The following ZZEF1 variants were observed in gnomAD, a reference collection of about 807,000 sequenced individuals.
ZZEF1 encodes zinc finger ZZ-type and EF-hand domain-containing protein 1.
A neutral mutation model predicts 342.8 loss-of-function variants in ZZEF1; 157 were observed. The ratio of observed to expected loss-of-function variants is 0.46; its 90% CI spans 0.40 to 0.52. The LOEUF (loss-of-function observed/expected upper bound fraction) is 0.52, where lower values mean the gene tolerates loss of function less well. ZZEF1 is among the 20% of genes least tolerant of loss of function. The pLI is 0.00. For missense variants in ZZEF1, 3,480 were observed against 3,725.6 expected (o/e 0.93, Z 1.72); for synonymous variants, 1,505 against 1,429.1 (o/e 1.05, Z -1.20).
chr17:4,133,925 A>T (rs2058708569), intron 1 of ZZEF1, among the ~76,000 whole-genome samples: 1 of 152,016 alleles, frequency 6.6e-6, no homozygotes, highest in Non-Finnish European at 1.5e-5. Flanking sequence ...GACTGGTCTC[A>T]AACTCCTGGG....
rs1178771168 is a variant in ZZEF1 at position 4,054,177 on chromosome 17, G to A, written c.5314C>T (p.Arg1772Cys). The A allele has an allele frequency of 5.0e-6, 8 of 1,612,592 alleles. No homozygotes were observed. The highest frequency in any genetic ancestry group is 2.2e-5 in the East Asian group (1 of 44,876). ...TCCACATTTAACAGGTCACAGTAGCGAGCAATGAACATGTGCATCTGTAAG... is the reference window on the plus strand; with the variant it reads ...TCCACATTTAACAGGTCACAGTAGCAAGCAATGAACATGTGCATCTGTAAG... ...KQRKMHMFIA[R>C]YCDLLNVDIS... The change falls in exon 34 of 55, where the codon CGC (arginine) becomes TGC (cysteine). Residue 1772 changes from arginine (R) to cysteine (C), a missense_variant. By Grantham distance (180) the Arg-to-Cys change is radical (BLOSUM62 -3). Coordinates refer to ENST00000381638, the MANE Select transcript of ZZEF1 (RefSeq NM_015113.4).
At chr17:4,141,474 T>C (rs2058846742) in intron 1 of ZZEF1, among the ~76,000 whole-genome samples, 1 of 152,168 alleles carries the variant, frequency 6.6e-6, no homozygotes, top group Non-Finnish European at 1.5e-5. Flanking sequence ...TTTTTGGTCA[T>C]ACCGTGGTGT....
At chr17:4,072,436 C>T (rs1254834778) in intron 25 of ZZEF1, among the ~76,000 whole-genome samples, 172 bp downstream of exon 25, 1 of 152,162 alleles carries the variant, frequency 6.6e-6, no homozygotes, top group Non-Finnish European at 1.5e-5. Flanking sequence ...GCGCACTGGC[C>T]CCTGTGGGAC....
chr17:4,064,419 A>G lies in ZZEF1; in HGVS notation c.4660T>C (p.Tyr1554His). ...TCCATGACGTCCTTCAGCACAGGGTATTTCTCTTTCACTGTGGGCACCAGT... is the reference window on the plus strand; with the variant it reads ...TCCATGACGTCCTTCAGCACAGGGTGTTTCTCTTTCACTGTGGGCACCAGT... The part of the protein sequence containing the change: ...ARLVPTVKEK[Y>H]PVLKDVMDFI... Residue 1554 changes from tyrosine to histidine, a missense_variant, in exon 29 of 55, where the codon TAC becomes CAC. By Grantham distance (83) the Tyr-to-His change is moderately conservative. This residue lies in a region of ZZEF1 where 1,528 missense variants were observed against 1,624.1 expected (regional missense o/e 0.94). Transcript: ENST00000381638. The G allele has an allele frequency of 6.2e-7, 1 of 1,613,644 alleles. No homozygotes were observed. Among genetic ancestry groups the G allele is most frequent in the South Asian group, 1.1e-5 (1 of 91,064 alleles).
Position 4,005,035 on chromosome 17 carries a change from G to C in ZZEF1, c.*1855C>G, listed in dbSNP as rs997783519. 1 of 152,126 alleles carries C rather than the reference G, an allele frequency of 6.6e-6. No homozygotes were observed. Among genetic ancestry groups the C allele is most frequent in the Non-Finnish European group, 1.5e-5 (1 of 68,090 alleles). 9.4% of individuals were successfully genotyped at this position (152,126 alleles called of 1,614,324 possible). On this transcript the variant is annotated 3_prime_UTR_variant, in exon 55 of 55. Coordinates refer to ENST00000381638, the MANE Select transcript of ZZEF1 (RefSeq NM_015113.4). Reference sequence around the variant, plus strand: ...GGAGGTGACTCCGGCCCTACCGCCCGCTTTACTCGGAGTCTGGGGTGTGGA... The same window carrying C: ...GGAGGTGACTCCGGCCCTACCGCCCCCTTTACTCGGAGTCTGGGGTGTGGA...
intron 14 of ZZEF1, 63 bp downstream of exon 14, chr17:4,087,371 G>C: frequency 1.5e-6 from 2 of 1,365,312 alleles, no homozygotes; most frequent in East Asian, 2.3e-5. Flanking sequence ...AATCCACTTA[G>C]AATAGTAAAA....
At chr17:4,078,844 C>T (rs2057671584) in intron 18 of ZZEF1, among the ~76,000 whole-genome samples, 2 of 152,162 alleles carry the variant, frequency 1.3e-5, no homozygotes, top group African/African-American at 4.8e-5. Flanking sequence ...TGATAGATTC[C>T]TGAGAAAAAT....
At chr17:4,028,836 T>C (rs185455032) in intron 42 of ZZEF1, among the ~76,000 whole-genome samples, 1 of 152,200 alleles carries the variant, frequency 6.6e-6, no homozygotes, top group Non-Finnish European at 1.5e-5. Flanking sequence ...CGAATTTTGC[T>C]ATCTGTGGGG....
intron 18 of ZZEF1, among the ~76,000 whole-genome samples, chr17:4,080,829 C>T (rs1043356221): frequency 2.6e-5 from 4 of 152,212 alleles, no homozygotes; most frequent in Non-Finnish European, 4.4e-5. Context: ...GAAGCATTAT[C>T]GAGCACTTCT....
chr17:4,086,652 C>T lies in ZZEF1; in HGVS notation c.2346G>A (p.Pro782=), dbSNP rs780934570. 1.1e-5 allele frequency: 17 copies of T among 1,613,378 alleles called. No homozygotes were observed. Among genetic ancestry groups the T allele is most frequent in the Admixed American group, 6.7e-5 (4 of 59,974 alleles). Residue 782 remains proline, a synonymous_variant, in exon 15 of 55, where the codon CCG becomes CCA. Coordinates refer to ENST00000381638, the MANE Select transcript of ZZEF1 (RefSeq NM_015113.4). ...TTTGGGCAGAGACGCATTCTTCCCT[C>T]GGGCTACAGAAAGACAAAAAACATC... ...WNFYSKLKQN[P]REECVSAQTL...
chr17:4,030,522 A>C (rs563541297), intron 42 of ZZEF1, among the ~76,000 whole-genome samples: 1 of 152,326 alleles, frequency 6.6e-6, no homozygotes, highest in South Asian at 2.1e-4. Flanking sequence ...TGCCAATCAA[A>C]ATCCCAGAAG....
At position 4,042,551 on chromosome 17, in the gene ZZEF1, C is replaced by T. The variant is rs761113925; in HGVS notation, c.6184G>A (p.Val2062Met). The change falls in exon 39 of 55, where the codon GTG (valine) becomes ATG (methionine). Residue 2062 changes from valine (V) to methionine (M), a missense_variant. Transcript: ENST00000381638. ...TCCTCTATGGGCTTCTGAGATGACA[C>T]TTCTGAATCTTCAGCATCTAAGTGG... ...TGLPDAEDSE[V>M]SSQKPIEEKA... is the part of the protein sequence containing the mutation. The T allele has an allele frequency of 1.9e-6, 3 of 1,610,916 alleles. No homozygotes were observed. Among genetic ancestry groups the T allele is most frequent in the Admixed American group, 1.7e-5 (1 of 58,982 alleles).
rs988341229 is a variant in ZZEF1, at chr17:4,075,535, A to G, written c.3235-106T>C. On this transcript the variant is annotated intron_variant, in intron 21 of 54. Coordinates refer to ENST00000381638, the MANE Select transcript of ZZEF1 (RefSeq NM_015113.4). The stretch of plus-strand genomic sequence containing the variant: ...AGTGCTCCAGGCAGATGGCCTTGAC[A>G]GCCCTGCACAAACCAGCAGGCAGGC... 11 of 1,294,492 alleles carry G rather than the reference A, an allele frequency of 8.5e-6. No individual in the cohort carries two copies. The African/African-American group carries it at 1.3e-4, about 16-fold the overall frequency. 80.2% of individuals were successfully genotyped at this position (1,294,492 alleles called of 1,614,324 possible).
At chr17:4,096,048 T>C (rs755675025) in intron 10 of ZZEF1, 69 bp from the exon 11 acceptor site, 75 of 1,505,086 alleles carry the variant, frequency 5.0e-5, no homozygotes, top group Non-Finnish European at 6.2e-5. Flanking sequence ...GTTTCCAGCA[T>C]GGTTAAATTC....
chr17:4,043,516 G>A lies in ZZEF1; in HGVS notation c.6166+708C>T, dbSNP rs117351283. On this transcript the variant is annotated intron_variant, in intron 38 of 54. Coordinates refer to ENST00000381638, the MANE Select transcript of ZZEF1 (RefSeq NM_015113.4). ...CTGCACTCCTGGGCCACCATAAGGAGGAGGCTGGGACTTGCCTCCAGTCTC... is the reference window on the plus strand; with the variant it reads ...CTGCACTCCTGGGCCACCATAAGGAAGAGGCTGGGACTTGCCTCCAGTCTC... Among the ~76,000 whole-genome samples, 865 of 152,340 alleles carry A rather than the reference G, an allele frequency of 5.7e-3. 3 individuals carry two copies. Among genetic ancestry groups the A allele is most frequent in the Middle Eastern group, 0.014 (4 of 294 alleles).
chr17:4,092,905 A>G (rs959379262), intron 11 of ZZEF1, among the ~76,000 whole-genome samples: 1 of 151,782 alleles, frequency 6.6e-6, no homozygotes, highest in East Asian at 1.9e-4. Flanking sequence ...CACAGCACCA[A>G]CTGCTGACCC....
At position 4,021,882 on chromosome 17, in the gene ZZEF1, A is replaced by C. The variant is rs1228581817; in HGVS notation, c.7213-562T>G. On this transcript the variant is annotated intron_variant, in intron 44 of 54. Transcript: ENST00000381638. ...GCATAGAAACAAAACGAGAAGGAGA[A>C]AATACACAAAACGCTAATGGCAGCT... is the stretch of plus-strand genomic sequence containing the variant. 4.6e-5 allele frequency among the ~76,000 whole-genome samples: 7 copies of C among 152,280 alleles called. No homozygotes were observed. The East Asian group carries it at 1.3e-3, about 29-fold the overall frequency.
At position 4,064,788 on chromosome 17, in the gene ZZEF1, G is replaced by T. The variant is rs1178296899; in HGVS notation, c.4291C>A (p.Leu1431Met). ...TCTTTTGAACTTATGCCCGTGGGCA[G>T]AAATTTTAGTAATAGAAGACTCTTC... The part of the protein sequence containing the change: ...IEKSLLLLKF[L>M]PTGISSKESC... Residue 1431 changes from leucine (L) to methionine (M), a missense_variant, in exon 29 of 55, where the codon CTG (leucine) becomes ATG (methionine). Transcript: ENST00000381638. 1 of 1,505,870 alleles carries T rather than the reference G, an allele frequency of 6.6e-7. No homozygotes were observed. The allele number at this position is 1,505,870 out of a possible 1,614,324, so 93.3% of individuals were successfully genotyped here.
intron 6 of ZZEF1, among the ~76,000 whole-genome samples, chr17:4,108,566 G>A (rs2145469349): frequency 6.6e-6 from 1 of 152,314 alleles, no homozygotes; most frequent in South Asian, 2.1e-4. Flanking sequence ...GGGAGTCTGA[G>A]GATGAGATGG....
Sources: gnomAD v4.1 joint callset for allele counts (sites outside exome capture counted in the v4.1 genomes callset) on GRCh38, gnomAD v4.1.1 for gene constraint, gnomAD v4.1.1 regional missense constraint, MANE v1.5 for transcripts, NCBI Gene and HGNC (gene_info 2026-07-23, HGNC 2026-07-21) for gene names.